Variants in RAB37 observed in about 807,000 individuals in gnomAD.
The protein encoded by RAB37 is ras-related protein Rab-37.
RAB37 carries 29 observed loss-of-function variants against 33.1 expected under a neutral mutation model. The ratio of observed to expected loss-of-function variants is 0.88; its 90% CI spans 0.65 to 1.20. RAB37 has a LOEUF of 1.20. RAB37 is among the 50% of genes most tolerant of loss of function. RAB37 has a pLI of 0.00. For synonymous variants in RAB37, 128 were observed against 119.5 expected (o/e 1.07, Z -0.47); for missense variants, 299 against 301.1 (o/e 0.99, Z 0.05).
At chr17:74,721,435 T>C (rs1279841410) in intron 1 of RAB37, among the ~76,000 whole-genome samples, 3 of 146,164 alleles carry the variant, frequency 2.1e-5, no homozygotes, top group Non-Finnish European at 4.5e-5. Flanking sequence ...TTGGTTTACT[T>C]TTTTTTTTTT....
chr17:74,690,014 C>T (rs906731752), intron 1 of RAB37, among the ~76,000 whole-genome samples: 3 of 152,146 alleles, frequency 2.0e-5, no homozygotes, highest in African/African-American at 7.2e-5. Flanking sequence ...TGCAGTGGTA[C>T]CATCTCGGCT....
chr17:74,692,147 T>C (rs553508591), intron 1 of RAB37, among the ~76,000 whole-genome samples: 6 of 152,184 alleles, frequency 3.9e-5, no homozygotes, highest in Non-Finnish European at 8.8e-5. Context: ...ATTACAGGCA[T>C]GAGCCACCGC....
intron 1 of RAB37, chr17:74,696,268 C>A: frequency 6.4e-7 from 1 of 1,566,450 alleles, no homozygotes; most frequent in South Asian, 1.2e-5. Flanking sequence ...CCCAGACTCA[C>A]AAGAACCCCC....
At chr17:74,678,477 A>G (rs1217911382) in intron 1 of RAB37, among the ~76,000 whole-genome samples, 1 of 152,146 alleles carries the variant, frequency 6.6e-6, no homozygotes, top group Non-Finnish European at 1.5e-5. Flanking sequence ...TTTGCTTATC[A>G]GCGCCTTTTC....
Position 74,742,447 on chromosome 17 carries a change from T to C in RAB37, c.246+152T>C. 1 of 623,606 alleles carries C rather than the reference T, an allele frequency of 1.6e-6. No homozygotes were observed. The highest frequency in any genetic ancestry group is 2.8e-6 in the Non-Finnish European group (1 of 353,568). 38.6% of individuals were successfully genotyped at this position (623,606 alleles called of 1,614,324 possible). A position where few individuals can be genotyped will look rare whatever the true frequency, so the allele number is the denominator to read the frequency against. On this transcript the variant is annotated intron_variant, in intron 3 of 8. Coordinates refer to ENST00000392613, the MANE Select transcript of RAB37 (RefSeq NM_001006638.3). This position sits in a 1 kb window ranked among gnomAD's most constrained non-coding sequence, Gnocchi z 4.0. ...AAATGGCTTTTGTTTATTTGACATC[T>C]GCAGAAAAAGCAGTTCCCAGGCACC...
chr17:74,734,192 T>C (rs2034433397), upstream of RAB37, among the ~76,000 whole-genome samples: 1 of 152,206 alleles, frequency 6.6e-6, no homozygotes, highest in African/African-American at 2.4e-5. Flanking sequence ...TCCTCTTCCA[T>C]GGCCTTGGTG....
At chr17:74,698,393 T>C in intron 1 of RAB37, 1 of 1,613,606 alleles carries the variant, frequency 6.2e-7, no homozygotes, top group Non-Finnish European at 8.5e-7. Context: ...TTCATCATCC[T>C]CCAAGCCAAG....
chr17:74,708,112 CACTCCAGGCTGA>C (rs199637078), intron 1 of RAB37, among the ~76,000 whole-genome samples: 1,556 of 146,544 alleles, frequency 0.011, 14 homozygotes, highest in South Asian at 0.053. Context: ...CACATCACTG[CACTCCAGGCTGA>C]ACAACAGAAC....
intron 1 of RAB37, among the ~76,000 whole-genome samples, chr17:74,693,841 A>T (rs188689275): frequency 1.5e-4 from 23 of 152,114 alleles, no homozygotes; most frequent in Admixed American, 3.9e-4. Flanking sequence ...AGGCAAGAGA[A>T]TTGCTTGAAC....
At chr17:74,673,684 A>C (rs1475423799) in intron 1 of RAB37, among the ~76,000 whole-genome samples, 7 of 152,064 alleles carry the variant, frequency 4.6e-5, no homozygotes, top group Non-Finnish European at 1.0e-4. Flanking sequence ...CACCAAATTG[A>C]GAGTGGGAAC....
chr17:74,739,483 C>T (rs1035427620), intron 1 of RAB37, among the ~76,000 whole-genome samples: 2 of 152,080 alleles, frequency 1.3e-5, no homozygotes, highest in South Asian at 2.1e-4. Flanking sequence ...TACACATCTC[C>T]CCACTTCAGT....
rs773901802 is a variant in RAB37 at position 74,729,302 on chromosome 17, T to C, written c.119T>C (p.Val40Ala). The C allele has an allele frequency of 1.2e-6, 2 of 1,613,930 alleles. No homozygotes were observed. Among genetic ancestry groups the C allele is most frequent in the African/African-American group, 2.7e-5 (2 of 74,862 alleles). ...GGTGTGGGAAAGACGTCTCTGCTGGTTCAGTTCGATCAGGGCAAGTTCATC... is the reference window on the plus strand; with the variant it reads ...GGTGTGGGAAAGACGTCTCTGCTGGCTCAGTTCGATCAGGGCAAGTTCATC... Residue 40 changes from valine to alanine, a missense_variant, in exon 2 of 8, where the codon GTT (valine) becomes GCT (alanine). Physicochemically the swap from Val to Ala is moderately conservative, Grantham distance 64. Coordinates refer to the RAB37 transcript ENST00000340415. The surrounding 1 kb of genome is among the most constrained non-coding windows in gnomAD (Gnocchi z 4.2).
chr17:74,695,709 C>A (rs758692184), intron 1 of RAB37: 1 of 1,614,070 alleles, frequency 6.2e-7, no homozygotes, highest in South Asian at 1.1e-5. Flanking sequence ...CACAGCAGCC[C>A]CCATGGAGGA....
chr17:74,716,883 C>T (rs2034171781), intron 1 of RAB37, among the ~76,000 whole-genome samples: 1 of 152,236 alleles, frequency 6.6e-6, no homozygotes, highest in African/African-American at 2.4e-5. Context: ...CCTGTAATCC[C>T]AGCCCTTTGG....
chr17:74,711,978 C>T (rs2034001057), intron 1 of RAB37, among the ~76,000 whole-genome samples: 1 of 144,550 alleles, frequency 6.9e-6, no homozygotes, highest in African/African-American at 2.6e-5. Flanking sequence ...GATTACAGGT[C>T]ACTGCAGCCT....
chr17:74,713,434 G>A (rs746188486), intron 1 of RAB37, among the ~76,000 whole-genome samples: 7 of 152,058 alleles, frequency 4.6e-5, no homozygotes, highest in South Asian at 2.1e-4. Flanking sequence ...CACAGCCACC[G>A]TGGGTTCTCT....
chr17:74,680,039 C>G (rs754002427), intron 1 of RAB37, among the ~76,000 whole-genome samples: 2 of 151,366 alleles, frequency 1.3e-5, no homozygotes, highest in Admixed American at 1.3e-4. Context: ...TCATAGCCAG[C>G]ATTGTGGAAG....
Position 74,746,679 on chromosome 17 carries a change from T to TG in RAB37, c.*1270dup, listed in dbSNP as rs2034767973. 6.6e-6 allele frequency: 1 copy of TG among 152,218 alleles called. No homozygotes were observed. The highest frequency in any genetic ancestry group is 2.4e-5 in the African/African-American group (1 of 41,446). The allele number at this position is 152,218 out of a possible 1,614,324, so 9.4% of individuals were successfully genotyped here. A position where few individuals can be genotyped will look rare whatever the true frequency, so the allele number is the denominator to read the frequency against. ...TGTTGTGAAAAAAAAGAGAAATCCC[T>TG]GGCTCCTGGAGCTGGTGGGAGACAA... On this transcript the variant is annotated 3_prime_UTR_variant, in exon 9 of 9. Coordinates refer to ENST00000392613, the MANE Select transcript of RAB37 (RefSeq NM_001006638.3). This position sits in a 1 kb window ranked among gnomAD's most constrained non-coding sequence, Gnocchi z 5.2.
intron 1 of RAB37, among the ~76,000 whole-genome samples, chr17:74,675,737 T>C (rs73361316): frequency 0.037 from 5,688 of 152,304 alleles, 369 homozygotes; most frequent in African/African-American, 0.13. Context: ...AATTCATTTA[T>C]ATGAAAAACA....
Sources: gnomAD v4.1 joint callset for allele counts (sites outside exome capture counted in the v4.1 genomes callset) on GRCh38, gnomAD v4.1.1 for gene constraint, Gnocchi (gnomAD v3.1) non-coding constraint, MANE v1.5 for transcripts, NCBI Gene and HGNC (gene_info 2026-07-23, HGNC 2026-07-21) for gene names.